ULK4: variants seen among roughly 807,000 people sequenced by gnomAD.
ULK4 encodes the protein unc-51 like kinase 4.
A neutral mutation model predicts 160.6 loss-of-function variants in ULK4; 133 were observed. The ratio of observed to expected loss-of-function variants is 0.83; its 90% CI spans 0.72 to 0.96. The LOEUF is 0.96. Among genes scored for constraint, ULK4 ranks in the 40% least tolerant of loss-of-function variants. The probability of loss-of-function intolerance (pLI) is 0.00; values close to 1 mark genes in which losing one functional copy is unlikely to be tolerated. For missense variants in ULK4, 1,580 were observed against 1,499.5 expected (o/e 1.05, Z -0.89); for synonymous variants, 534 against 539.8 (o/e 0.99, Z 0.15).
intron 34 of ULK4, among the ~76,000 whole-genome samples, chr3:41,443,599 T>C (rs142976828): frequency 0.02 from 3,029 of 152,276 alleles, 50 homozygotes; most frequent in South Asian, 0.04. Flanking sequence ...CCATGGTAAC[T>C]AAACTTTGGA....
chr3:41,351,424 C>G (rs2080907462), intron 35 of ULK4, among the ~76,000 whole-genome samples: 1 of 152,150 alleles, frequency 6.6e-6, no homozygotes, highest in Admixed American at 6.6e-5. Flanking sequence ...GAGGAATACA[C>G]CAGGAATTTT....
At position 41,366,548 on chromosome 3, in the gene ULK4, T is replaced by TACACAC. The variant is rs148305509; in HGVS notation, c.3678+31525_3678+31530dup. ...AACACCTGTATTTGGAAAATATGGC[T>TACACAC]ACACACACACACACACACACACACA... On this transcript the variant is annotated intron_variant, in intron 35 of 36. Coordinates refer to ENST00000301831, the MANE Select transcript of ULK4 (RefSeq NM_017886.4). Among the ~76,000 whole-genome samples the TACACAC allele has an allele frequency of 4.3e-3, 646 of 148,780 alleles. 4 individuals carry two copies. The highest frequency in any genetic ancestry group is 0.017 in the Middle Eastern group (5 of 286).
At chr3:41,678,436 T>TC (rs1266462800) in intron 29 of ULK4, among the ~76,000 whole-genome samples, 1 of 152,080 alleles carries the variant, frequency 6.6e-6, no homozygotes, top group Non-Finnish European at 1.5e-5. Flanking sequence ...GATTACCCTC[T>TC]CCACCAGGAA....
chr3:41,873,237 T>TA (rs1370105675), intron 17 of ULK4, among the ~76,000 whole-genome samples: 10,379 of 118,958 alleles, frequency 0.087, 1,128 homozygotes, highest in African/African-American at 0.29. Flanking sequence ...TTTTTTTTTT[T>TA]TTTTTTGAAA....
chr3:41,935,209 A>ATTTATTTTTTTTTTTTTTTTTTTT (rs1559660879), intron 4 of ULK4, among the ~76,000 whole-genome samples: 1 of 135,544 alleles, frequency 7.4e-6, no homozygotes, highest in African/African-American at 3.3e-5. Context: ...TTATTTATTT[A>ATTTATTTTTTTTTTTTTTTTTTTT]TTTTTTTTTT....
chr3:41,540,071 T>A (rs2086641413), intron 32 of ULK4, among the ~76,000 whole-genome samples: 1 of 151,988 alleles, frequency 6.6e-6, no homozygotes, highest in African/African-American at 2.4e-5. Flanking sequence ...GTGTTTTTTA[T>A]TTATTATTAT....
chr3:41,350,364 T>C (rs1326206507), intron 35 of ULK4, among the ~76,000 whole-genome samples: 1 of 152,242 alleles, frequency 6.6e-6, no homozygotes, highest in African/African-American at 2.4e-5. Flanking sequence ...ATAACTAATT[T>C]TATTTCATTG....
At chr3:41,318,245 A>G (rs1265772050) in intron 35 of ULK4, among the ~76,000 whole-genome samples, 1 of 151,192 alleles carries the variant, frequency 6.6e-6, no homozygotes, top group Non-Finnish European at 1.5e-5. Context: ...TAGAGAGTTA[A>G]GAAGATTTTT....
intron 27 of ULK4, among the ~76,000 whole-genome samples, chr3:41,682,204 C>T (rs1025283869): frequency 1.3e-5 from 2 of 151,954 alleles, no homozygotes; most frequent in Non-Finnish European, 2.9e-5. Flanking sequence ...CACAATAGTC[C>T]CCATGTTTTA....
Position 41,777,766 on chromosome 3 carries a change from G to C in ULK4, c.2193+11895C>G, listed in dbSNP as rs1310093907. Among the ~76,000 whole-genome samples, 9 of 136,428 alleles carry C rather than the reference G, an allele frequency of 6.6e-5. 1 individual carries two copies. Among genetic ancestry groups the C allele is most frequent in the African/African-American group, 2.3e-4 (8 of 35,118 alleles). The allele number at this position is 136,428 out of a possible 152,430, so 89.5% of individuals were successfully genotyped here. Reference sequence around the variant, plus strand: ...GATTCTTAATCCTGAGTTCTAGTTTGATTGCACTGTGGTCTGAGAGATAGT... The same window carrying C: ...GATTCTTAATCCTGAGTTCTAGTTTCATTGCACTGTGGTCTGAGAGATAGT... On this transcript the variant is annotated intron_variant, in intron 21 of 36. Transcript: ENST00000301831.
intron 29 of ULK4, 151 bp downstream of exon 29, chr3:41,681,357 C>T (rs530464546): frequency 3.9e-6 from 4 of 1,029,652 alleles, no homozygotes; most frequent in Non-Finnish European, 1.4e-6. Flanking sequence ...AGTTACCGCA[C>T]CTGTCTAAAC....
At position 41,573,684 on chromosome 3, in the gene ULK4, C is replaced by G. The variant is rs143768905; in HGVS notation, c.3121-7554G>C. Among the ~76,000 whole-genome samples the G allele has an allele frequency of 2.6e-3, 402 of 152,240 alleles. 1 individual carries two copies. The highest frequency in any genetic ancestry group is 7.1e-3 in the Admixed American group (108 of 15,298). On this transcript the variant is annotated intron_variant, in intron 31 of 36. Coordinates refer to ENST00000301831, the MANE Select transcript of ULK4 (RefSeq NM_017886.4). ...AATTTCTTAAAAATACATAGCACAT[C>G]CTATTCAACACACGCTTAAACTACA...
chr3:41,735,700 T>TTATTA, intron 22 of ULK4, among the ~76,000 whole-genome samples: 1 of 149,566 alleles, frequency 6.7e-6, no homozygotes, highest in South Asian at 2.1e-4. Flanking sequence ...ATTATTATTA[T>TTATTA]TATTATTATT....
intron 32 of ULK4, among the ~76,000 whole-genome samples, chr3:41,558,511 C>T (rs1411768998): frequency 6.6e-6 from 1 of 152,016 alleles, no homozygotes; most frequent in African/African-American, 2.4e-5. Flanking sequence ...CAAGACCAGC[C>T]TGGCCAACAT....
At chr3:41,538,794 AT>A (rs1298467990) in intron 32 of ULK4, among the ~76,000 whole-genome samples, 1 of 152,086 alleles carries the variant, frequency 6.6e-6, no homozygotes, top group Non-Finnish European at 1.5e-5. Flanking sequence ...GCATTTTTAC[AT>A]TTGTTTATAT....
intron 21 of ULK4, among the ~76,000 whole-genome samples, chr3:41,781,187 C>T (rs2039828486): frequency 6.6e-6 from 1 of 151,714 alleles, no homozygotes; most frequent in Admixed American, 6.6e-5. Context: ...AAACAGATAA[C>T]CTAGAAAAAA....
chr3:41,470,702 A>G (rs1223487647), intron 32 of ULK4, among the ~76,000 whole-genome samples: 1 of 152,186 alleles, frequency 6.6e-6, no homozygotes, highest in Non-Finnish European at 1.5e-5. Context: ...GTAAATTCTG[A>G]TATCAAAAAC....
At chr3:41,599,377 T>C (rs949349530) in intron 31 of ULK4, among the ~76,000 whole-genome samples, 1 of 152,138 alleles carries the variant, frequency 6.6e-6, no homozygotes, top group Non-Finnish European at 1.5e-5. Flanking sequence ...ACCTTAATTC[T>C]ATCTGGAACA....
intron 35 of ULK4, among the ~76,000 whole-genome samples, chr3:41,347,702 G>A (rs561498465): frequency 2.0e-5 from 3 of 151,928 alleles, no homozygotes; most frequent in Non-Finnish European, 4.4e-5. Context: ...TAAGAAACTC[G>A]CCATAGTGTC....
Sources: allele counts gnomAD v4.1 joint callset (sites outside exome capture counted in the v4.1 genomes callset), GRCh38; gene constraint gnomAD v4.1.1; transcripts MANE v1.5; gene names NCBI Gene and HGNC (gene_info 2026-07-23, HGNC 2026-07-21).